CNTN5: variants seen among roughly 807,000 people sequenced by gnomAD.
CNTN5 encodes contactin-5.
Under a neutral mutation model 129.1 loss-of-function variants are expected in CNTN5, and 77 were observed. The observed-to-expected ratio is 0.60, with a 90% CI of 0.50 to 0.72. The LOEUF (loss-of-function observed/expected upper bound fraction) is 0.72, where lower values mean the gene tolerates loss of function less well. CNTN5 is among the 30% of genes least tolerant of loss of function. The probability of loss-of-function intolerance (pLI) is 0.00; values close to 1 mark genes in which losing one functional copy is unlikely to be tolerated. For missense variants in CNTN5, 1,478 were observed against 1,328.8 expected, an observed-to-expected ratio of 1.11 and a Z score of -1.75; for synonymous variants, 509 against 465.6, an observed-to-expected ratio of 1.09 and a Z score of -1.20.
intron 10 of CNTN5, among the ~76,000 whole-genome samples, chr11:100,065,916 G>T (rs1309451670): frequency 1.3e-5 from 2 of 151,924 alleles, no homozygotes; most frequent in Non-Finnish European, 2.9e-5. Context: ...TGTTTTAGCT[G>T]TTAAAGTATA....
rs940718122 is a variant in CNTN5 at position 99,765,656 on chromosome 11, C to CA, written c.56-53881dup. ...TTTCAGATGATCTAGAATGCTGTTA[C>CA]AAAAAAAGAAGCTAAGGAATGCTGG... On this transcript the variant is annotated intron_variant, in intron 3 of 24. Transcript: ENST00000524871. Among the ~76,000 whole-genome samples, 5 of 149,888 alleles carry CA rather than the reference C, an allele frequency of 3.3e-5. No homozygotes were observed. The Admixed American group carries it at 3.4e-4, about 10-fold the overall frequency.
At chr11:99,275,045 A>G (rs1863360384) in intron 1 of CNTN5, among the ~76,000 whole-genome samples, 2 of 151,506 alleles carry the variant, frequency 1.3e-5, no homozygotes, top group African/African-American at 2.4e-5. Flanking sequence ...TAACTTGGAC[A>G]TGAATATATA....
chr11:100,228,832 C>G (rs1949433362), intron 16 of CNTN5, among the ~76,000 whole-genome samples: 1 of 152,134 alleles, frequency 6.6e-6, no homozygotes. Context: ...TGCGTACATT[C>G]TCAGTGTCAC....
intron 1 of CNTN5, among the ~76,000 whole-genome samples, chr11:99,291,328 A>C (rs1864161897): frequency 6.6e-6 from 1 of 151,858 alleles, no homozygotes; most frequent in Admixed American, 6.6e-5. Flanking sequence ...TTTTTGCAAA[A>C]ATAGGGTCAC....
chr11:99,978,852 G>A (rs1938163658), intron 8 of CNTN5, among the ~76,000 whole-genome samples: 1 of 152,170 alleles, frequency 6.6e-6, no homozygotes, highest in Non-Finnish European at 1.5e-5. Flanking sequence ...GGGAAGAGAG[G>A]TAGGATAGAA....
chr11:100,186,847 A>G (rs970866348), intron 13 of CNTN5, among the ~76,000 whole-genome samples: 3 of 152,214 alleles, frequency 2.0e-5, no homozygotes, highest in South Asian at 2.1e-4. Context: ...TATTAATTCA[A>G]TATTAAATTA....
At chr11:100,040,687 C>T (rs1942325513) in intron 9 of CNTN5, among the ~76,000 whole-genome samples, 1 of 152,140 alleles carries the variant, frequency 6.6e-6, no homozygotes, top group South Asian at 2.1e-4. Context: ...GGGCGCCCCT[C>T]CCCCAGCCTC....
At chr11:100,037,152 T>C in intron 9 of CNTN5, among the ~76,000 whole-genome samples, 1 of 139,746 alleles carries the variant, frequency 7.2e-6, no homozygotes, top group African/African-American at 2.8e-5. Context: ...CATCAATACC[T>C]AATTTATTAA....
intron 2 of CNTN5, among the ~76,000 whole-genome samples, chr11:99,477,089 C>G (rs1945399116): frequency 6.6e-6 from 1 of 151,592 alleles, no homozygotes; most frequent in African/African-American, 2.4e-5. Flanking sequence ...TTTGCATGCA[C>G]TATATATTGA....
At chr11:100,323,642 C>CA (rs201476179) in intron 21 of CNTN5, among the ~76,000 whole-genome samples, 1 of 134,434 alleles carries the variant, frequency 7.4e-6, no homozygotes, top group Admixed American at 8.1e-5. Context: ...CTCCTCCCCC[C>CA]CCCTTCTTTT....
chr11:99,650,903 C>A (rs575550999), intron 3 of CNTN5, among the ~76,000 whole-genome samples: 1 of 151,844 alleles, frequency 6.6e-6, no homozygotes, highest in Admixed American at 6.6e-5. Flanking sequence ...CAATTAGGCC[C>A]AAAACACAGT....
intron 13 of CNTN5, among the ~76,000 whole-genome samples, chr11:100,116,520 G>C (rs997163419): frequency 1.3e-5 from 2 of 150,574 alleles, no homozygotes; most frequent in African/African-American, 2.4e-5. Context: ...AAAAAAAAAA[G>C]ACTTTTTAAT....
At chr11:99,561,513 G>A (rs1400809782) in intron 3 of CNTN5, among the ~76,000 whole-genome samples, 3 of 152,150 alleles carry the variant, frequency 2.0e-5, no homozygotes, top group Admixed American at 2.0e-4. Context: ...TATTCGCTGT[G>A]CATACTGACT....
chr11:100,079,965 T>G (rs934409302), intron 13 of CNTN5, among the ~76,000 whole-genome samples: 13 of 152,170 alleles, frequency 8.5e-5, no homozygotes, highest in Non-Finnish European at 1.6e-4. Context: ...ATATTAAGTC[T>G]TCATTATTAC....
At chr11:99,422,215 C>G (rs1021358706) in intron 2 of CNTN5, among the ~76,000 whole-genome samples, 2 of 152,028 alleles carry the variant, frequency 1.3e-5, no homozygotes, top group Non-Finnish European at 2.9e-5. Context: ...TAAATAGTGG[C>G]AGTCATAAAA....
rs1404823381 is a variant in CNTN5, at chr11:100,035,525, G to A, written c.981-25687G>A. 7.3e-3 allele frequency among the ~76,000 whole-genome samples: 1,049 copies of A among 144,174 alleles called. 5 individuals carry two copies. Among genetic ancestry groups the A allele is most frequent in the Non-Finnish European group, 0.012 (785 of 65,888 alleles). The allele number at this position is 144,174 out of a possible 152,430, so 94.6% of individuals were successfully genotyped here. ...TGGGTCAAATGGTATTTCTAGTTCT[G>A]GATCCCTGAGGAATCGCCACACTGA... On this transcript the variant is annotated intron_variant, in intron 9 of 24. Transcript: ENST00000524871.
chr11:99,805,491 A>C (rs148420040), intron 3 of CNTN5, among the ~76,000 whole-genome samples: 1 of 152,326 alleles, frequency 6.6e-6, no homozygotes, highest in Non-Finnish European at 1.5e-5. Flanking sequence ...CTAACTTGTT[A>C]ATTGAACTAT....
intron 1 of CNTN5, chr11:99,120,510 A>C (rs998287610): frequency 6.6e-6 from 1 of 152,220 alleles, no homozygotes; most frequent in Non-Finnish European, 1.5e-5. Flanking sequence ...GGACCACTGC[A>C]TTCTTAGTTC....
intron 3 of CNTN5, among the ~76,000 whole-genome samples, chr11:99,708,558 A>G (rs1954846633): frequency 6.6e-6 from 1 of 151,778 alleles, no homozygotes; most frequent in African/African-American, 2.4e-5. Flanking sequence ...CAAATTAGAT[A>G]TATGAAAAAG....
Sources: allele counts gnomAD v4.1 joint callset (sites outside exome capture counted in the v4.1 genomes callset), GRCh38; gene constraint gnomAD v4.1.1; transcripts MANE v1.5; gene names NCBI Gene and HGNC (gene_info 2026-07-23, HGNC 2026-07-21).